The following AKR1C8 variants were observed in gnomAD, a reference collection of about 807,000 sequenced individuals.
AKR1C8 encodes aldo-keto reductase family 1 member C8, also known as aldo-keto reductase family 1 member C-like protein 1.
the AKR1C8 span, among the ~76,000 whole-genome samples, chr10:5,149,987 C>G: frequency 6.6e-6 from 1 of 152,010 alleles, no homozygotes; most frequent in Non-Finnish European, 1.5e-5. Flanking sequence ...AAAAACAAAA[C>G]AGAAAGAATC....
the AKR1C8 span, among the ~76,000 whole-genome samples, chr10:5,165,557 G>A: frequency 6.6e-6 from 1 of 152,156 alleles, no homozygotes; most frequent in East Asian, 1.9e-4. Flanking sequence ...CTTCCCTGGA[G>A]AAACAAATTC....
chr10:5,145,348 G>A, the AKR1C8 span, among the ~76,000 whole-genome samples: 2 of 152,082 alleles, frequency 1.3e-5, no homozygotes, highest in African/African-American at 4.8e-5. Context: ...TGACAAATGG[G>A]ATCTAATTCA....
the AKR1C8 span, among the ~76,000 whole-genome samples, chr10:5,167,939 C>T: frequency 6.6e-6 from 1 of 152,082 alleles, no homozygotes; most frequent in East Asian, 1.9e-4. Context: ...ACCTAATATG[C>T]CATAACTGTG....
the AKR1C8 span, among the ~76,000 whole-genome samples, chr10:5,168,294 G>C: frequency 1.3e-5 from 2 of 151,916 alleles, no homozygotes; most frequent in African/African-American, 4.8e-5. Context: ...ACTCCCCAAA[G>C]TCAGAGAAAT....
At chr10:5,144,708 G>C in the AKR1C8 span, among the ~76,000 whole-genome samples, 1 of 152,102 alleles carries the variant, frequency 6.6e-6, no homozygotes, top group Admixed American at 6.6e-5. Flanking sequence ...TGTGATATTT[G>C]TACATTGATT....
At chr10:5,184,423 G>C in the AKR1C8 span, among the ~76,000 whole-genome samples, 1 of 152,158 alleles carries the variant, frequency 6.6e-6, no homozygotes, top group Non-Finnish European at 1.5e-5. Context: ...GACTGTAACA[G>C]AATCGCAGTG....
chr10:5,116,114 C>T, the AKR1C8 span, among the ~76,000 whole-genome samples: 746 of 152,246 alleles, frequency 4.9e-3, 4 homozygotes, highest in Middle Eastern at 0.014. Flanking sequence ...AATCACACAG[C>T]ATGGTAATAC....
the AKR1C8 span, chr10:5,160,859 T>A: frequency 2.1e-6 from 1 of 471,108 alleles, no homozygotes; most frequent in East Asian, 7.0e-5. Flanking sequence ...ATCTCTCCAC[T>A]GGCATCCTTT....
the AKR1C8 span, among the ~76,000 whole-genome samples, chr10:5,118,350 G>T: frequency 6.7e-5 from 4 of 59,340 alleles, no homozygotes; most frequent in African/African-American, 2.7e-4. Context: ...TACAACCTAT[G>T]TGTCTAGATT....
At chr10:5,167,822 T>TA in the AKR1C8 span, among the ~76,000 whole-genome samples, 1 of 152,112 alleles carries the variant, frequency 6.6e-6, no homozygotes, top group Non-Finnish European at 1.5e-5. Context: ...GTAAATTGTA[T>TA]AAAAAACACT....
the AKR1C8 span, among the ~76,000 whole-genome samples, chr10:5,141,281 A>G: frequency 6.6e-6 from 1 of 152,134 alleles, no homozygotes; most frequent in African/African-American, 2.4e-5. Flanking sequence ...TCACATATTA[A>G]GGCTCTACTT....
At chr10:5,151,317 T>C in the AKR1C8 span, among the ~76,000 whole-genome samples, 1 of 151,342 alleles carries the variant, frequency 6.6e-6, no homozygotes, top group African/African-American at 2.5e-5. Context: ...AATATATTAG[T>C]CCTACTAAAG....
chr10:5,144,587 C>A, the AKR1C8 span, among the ~76,000 whole-genome samples: 1 of 151,762 alleles, frequency 6.6e-6, no homozygotes, highest in African/African-American at 2.4e-5. Context: ...AAAGGTCCTT[C>A]ACATCCCTTG....
the AKR1C8 span, among the ~76,000 whole-genome samples, chr10:5,155,924 C>A: frequency 5.3e-5 from 8 of 152,168 alleles, no homozygotes; most frequent in Admixed American, 1.3e-4. Flanking sequence ...CACCTGAGAC[C>A]TCTTCCACCT....
At chr10:5,177,070 A>C in the AKR1C8 span, among the ~76,000 whole-genome samples, 1 of 152,094 alleles carries the variant, frequency 6.6e-6, no homozygotes, top group African/African-American at 2.4e-5. Context: ...TTCAAAGGGA[A>C]TGCTTCCAGT....
chr10:5,165,388 A>AG, the AKR1C8 span, among the ~76,000 whole-genome samples: 1 of 152,078 alleles, frequency 6.6e-6, no homozygotes, highest in Non-Finnish European at 1.5e-5. Flanking sequence ...AACACCTCCT[A>AG]GGGGGATAGG....
chr10:5,163,584 A>C, the AKR1C8 span, among the ~76,000 whole-genome samples: 1 of 152,194 alleles, frequency 6.6e-6, no homozygotes, highest in Non-Finnish European at 1.5e-5. Flanking sequence ...ATGCCTCCTA[A>C]GTCTTCCCTT....
At chr10:5,156,904 A>AT in the AKR1C8 span, among the ~76,000 whole-genome samples, 1 of 152,182 alleles carries the variant, frequency 6.6e-6, no homozygotes, top group Non-Finnish European at 1.5e-5. Flanking sequence ...CAGCTTACAT[A>AT]TTTTTTCAAA....
At chr10:5,157,845 A>T in the AKR1C8 span, 1 of 447,140 alleles carries the variant, frequency 2.2e-6, no homozygotes, top group Non-Finnish European at 4.7e-6. Context: ...TGCAGGATGG[A>T]AAATCTACAG....
Sources: gnomAD v4.1 joint callset for allele counts (sites outside exome capture counted in the v4.1 genomes callset) on GRCh38, gnomAD v4.1.1 for gene constraint, MANE v1.5 for transcripts, NCBI Gene and HGNC (gene_info 2026-07-23, HGNC 2026-07-21) for gene names.